Variants in VAV2 observed in about 807,000 individuals in gnomAD.
VAV2 encodes the protein guanine nucleotide exchange factor VAV2.
VAV2 carries 67 observed loss-of-function variants against 132.5 expected under a neutral mutation model. That is an observed-to-expected ratio of 0.51 (90% CI 0.42 to 0.62). VAV2 has a LOEUF of 0.62. Among genes scored for constraint, VAV2 ranks in the 20% least tolerant of loss-of-function variants. The probability of loss-of-function intolerance (pLI) is 0.00; values close to 1 mark genes in which losing one functional copy is unlikely to be tolerated. For synonymous variants in VAV2, 492 were observed against 443.5 expected (o/e 1.11, Z -1.37); for missense variants, 938 against 1,153.6 (o/e 0.81, Z 2.71).
chr9:133,965,923 A>G (rs1470553312), intron 1 of VAV2, among the ~76,000 whole-genome samples: 1 of 152,248 alleles, frequency 6.6e-6, no homozygotes, highest in Non-Finnish European at 1.5e-5. Flanking sequence ...TGATACTGGC[A>G]TAAAAACAAA....
intron 14 of VAV2, 35 bp downstream of exon 14, chr9:133,789,223 G>C (rs1327020992): frequency 1.2e-6 from 2 of 1,610,140 alleles, no homozygotes; most frequent in Non-Finnish European, 1.7e-6. Flanking sequence ...ACCCTGGCGG[G>C]ACGCCACCCA....
chr9:133,790,869 T>C (rs1247429410), intron 13 of VAV2, among the ~76,000 whole-genome samples: 1 of 152,174 alleles, frequency 6.6e-6, no homozygotes, highest in African/African-American at 2.4e-5. Flanking sequence ...GCCAGCTTCA[T>C]GTCAGTGAAA....
intron 4 of VAV2, among the ~76,000 whole-genome samples, chr9:133,820,208 G>A (rs973636029): frequency 6.6e-6 from 1 of 152,224 alleles, no homozygotes; most frequent in South Asian, 2.1e-4. Flanking sequence ...TGTCACTTGG[G>A]GAAACAAGCT....
At chr9:133,846,050 G>C (rs1836921038) in intron 3 of VAV2, among the ~76,000 whole-genome samples, 1 of 152,218 alleles carries the variant, frequency 6.6e-6, no homozygotes, top group African/African-American at 2.4e-5. Flanking sequence ...CACAGAGCAG[G>C]GGAAAGGGAA....
At position 133,823,525 on chromosome 9, in the gene VAV2, C is replaced by T. The variant is rs1034198248; in HGVS notation, c.449+10747G>A. ...TGCCACTGTGTGTCAGTCAGATCTA[C>T]GCTGAATACAAGGGAAATAACGTCA... On this transcript the variant is annotated intron_variant, in intron 4 of 29. Transcript: ENST00000371850. This position sits in a 1 kb window ranked among gnomAD's most constrained non-coding sequence, Gnocchi z 5.5. Among the ~76,000 whole-genome samples, 1 of 152,150 alleles carries T rather than the reference C, an allele frequency of 6.6e-6. No individual in the cohort carries two copies.
At chr9:133,782,566 A>G (rs2502755) in intron 19 of VAV2, among the ~76,000 whole-genome samples, 143,669 of 152,216 alleles carry the variant, frequency 0.94, 67,866 homozygotes, top group East Asian at 1. Flanking sequence ...TTGATCTAAA[A>G]TCACAGCTCA....
intron 19 of VAV2, among the ~76,000 whole-genome samples, chr9:133,782,204 G>C (rs369445684): frequency 3.3e-5 from 5 of 152,220 alleles, no homozygotes; most frequent in African/African-American, 1.2e-4. Context: ...GTTCACGGGT[G>C]ATACTTTCTT....
chr9:133,786,159 G>A (rs1053386204), intron 16 of VAV2, among the ~76,000 whole-genome samples: 1 of 152,262 alleles, frequency 6.6e-6, no homozygotes, highest in African/African-American at 2.4e-5. Context: ...ACCTCTGCAT[G>A]CATACTAGTG....
At chr9:133,770,999 T>C (rs1260193193) in intron 26 of VAV2, among the ~76,000 whole-genome samples, 1 of 151,664 alleles carries the variant, frequency 6.6e-6, no homozygotes, top group Non-Finnish European at 1.5e-5. Context: ...GAGGACTCAC[T>C]GAGATGCCAA....
At chr9:133,936,014 T>C (rs1840895548) in intron 2 of VAV2, among the ~76,000 whole-genome samples, 2 of 152,004 alleles carry the variant, frequency 1.3e-5, no homozygotes, top group Admixed American at 1.3e-4. Context: ...GGCGGGGCCC[T>C]GGGGCACGTG....
chr9:133,940,561 A>ACC (rs954804611), intron 1 of VAV2, among the ~76,000 whole-genome samples: 4 of 151,890 alleles, frequency 2.6e-5, no homozygotes, highest in Admixed American at 2.6e-4. Flanking sequence ...GGCAGTGCTC[A>ACC]CCCCAGCCCC....
rs551480342 is a variant in VAV2, at chr9:133,895,928, CTTTTTTT to C, written c.322-34503_322-34497del. Reference sequence around the variant, plus strand: ...TCTTAATTGGCAGCCACACTAAAATCTTTTTTTTTTTTTTTTTTTTTAATTGATCATT... The same window carrying C: ...TCTTAATTGGCAGCCACACTAAAATCTTTTTTTTTTTTTTAATTGATCATT... On this transcript the variant is annotated intron_variant, in intron 2 of 29. Transcript: ENST00000371850. 3.5e-5 allele frequency among the ~76,000 whole-genome samples: 4 copies of C among 115,224 alleles called. 1 individual carries two copies. Among genetic ancestry groups the C allele is most frequent in the Non-Finnish European group, 5.4e-5 (3 of 55,112 alleles). The allele number at this position is 115,224 out of a possible 152,430, so 75.6% of individuals were successfully genotyped here. A position where few individuals can be genotyped will look rare whatever the true frequency, so the allele number is the denominator to read the frequency against.
intron 2 of VAV2, among the ~76,000 whole-genome samples, chr9:133,915,025 C>T (rs974054235): frequency 2.4e-4 from 36 of 152,050 alleles, no homozygotes; most frequent in Non-Finnish European, 4.3e-4. Flanking sequence ...CAGGGAAGCA[C>T]GGGTGCTGTG....
intron 2 of VAV2, among the ~76,000 whole-genome samples, chr9:133,916,236 C>T (rs1181582994): frequency 2.0e-5 from 3 of 152,222 alleles, no homozygotes; most frequent in East Asian, 1.9e-4. Context: ...ATGGAGGAGG[C>T]GGACAGGCAA....
chr9:133,873,489 G>A (rs1046067219), intron 2 of VAV2, among the ~76,000 whole-genome samples: 1 of 152,254 alleles, frequency 6.6e-6, no homozygotes, highest in South Asian at 2.1e-4. Flanking sequence ...TCTGCACAGT[G>A]CTCCGGGCAG....
chr9:133,768,020 T>C lies in VAV2; in HGVS notation c.2589+422A>G, dbSNP rs1833493337. On this transcript the variant is annotated intron_variant, in intron 29 of 29. Transcript: ENST00000371850. The surrounding 1 kb of genome is among the most constrained non-coding windows in gnomAD (Gnocchi z 5.3). ...CCCTACTGCCTCACCAGGGCATAGA[T>C]AGGGCCTTAGAAAATGGCAGGAGGA... Among the ~76,000 whole-genome samples, 1 of 152,132 alleles carries C rather than the reference T, an allele frequency of 6.6e-6. No homozygotes were observed. The highest frequency in any genetic ancestry group is 2.4e-5 in the African/African-American group (1 of 41,434).
At chr9:133,772,571 A>G (rs1008295535) in intron 25 of VAV2, among the ~76,000 whole-genome samples, 2 of 152,208 alleles carry the variant, frequency 1.3e-5, no homozygotes, top group African/African-American at 4.8e-5. Context: ...TCACGTCTCA[A>G]TTCAAATGTG....
chr9:133,959,728 C>A (rs2789861), intron 1 of VAV2, among the ~76,000 whole-genome samples: 21 of 151,150 alleles, frequency 1.4e-4, no homozygotes, highest in Non-Finnish European at 2.2e-4. Flanking sequence ...AGGGTGGGCC[C>A]CGAATCCAAT....
chr9:133,837,007 C>T (rs1053619875), intron 3 of VAV2, among the ~76,000 whole-genome samples: 10 of 152,206 alleles, frequency 6.6e-5, no homozygotes, highest in East Asian at 5.8e-4. Flanking sequence ...CCCGGGGCAG[C>T]GAAGGAGAGG....
Sources: gnomAD v4.1 joint callset for allele counts (sites outside exome capture counted in the v4.1 genomes callset) on GRCh38, gnomAD v4.1.1 for gene constraint, Gnocchi (gnomAD v3.1) non-coding constraint, MANE v1.5 for transcripts, NCBI Gene and HGNC (gene_info 2026-07-23, HGNC 2026-07-21) for gene names.